Variants in MCM5 observed in about 807,000 individuals in gnomAD.
The protein encoded by MCM5 is DNA replication licensing factor MCM5.
A neutral mutation model predicts 79.9 loss-of-function variants in MCM5; 46 were observed. That is an observed-to-expected ratio of 0.58 (90% CI 0.45 to 0.74). The LOEUF is 0.74. Among genes scored for constraint, MCM5 ranks in the 30% least tolerant of loss-of-function variants. MCM5 has a pLI of 0.00. For missense variants in MCM5, 883 were observed against 1,017.0 expected, an observed-to-expected ratio of 0.87 and a Z score of 1.79; for synonymous variants, 404 against 390.5, an observed-to-expected ratio of 1.03 and a Z score of -0.41.
intron 16 of MCM5, 42 bp downstream of exon 16, chr22:35,423,383 G>A (rs1932743745): frequency 1.9e-6 from 3 of 1,551,942 alleles, no homozygotes; most frequent in Non-Finnish European, 1.8e-6. Context: ...GGCACGGGGT[G>A]CAGGTCTTCT....
At chr22:35,438,058 C>G in the MCM5 span, among the ~76,000 whole-genome samples, 4 of 152,230 alleles carry the variant, frequency 2.6e-5, no homozygotes, top group South Asian at 6.2e-4. Flanking sequence ...TAAAGATCTT[C>G]CAGGCAGAAG....
At chr22:35,438,546 T>C in the MCM5 span, among the ~76,000 whole-genome samples, 2,096 of 132,236 alleles carry the variant, frequency 0.016, 82 homozygotes, top group African/African-American at 0.058. Context: ...CATCCATCCA[T>C]CCACTCACAT....
chr22:35,400,266 G>A lies in MCM5; in HGVS notation c.-9+58G>A, dbSNP rs942026663. 11 of 684,310 alleles carry A rather than the reference G, an allele frequency of 1.6e-5. No individual in the cohort carries two copies. The African/African-American group carries it at 2.0e-4, about 12-fold the overall frequency. 42.4% of individuals were successfully genotyped at this position (684,310 alleles called of 1,614,324 possible). A position where few individuals can be genotyped will look rare whatever the true frequency, so the allele number is the denominator to read the frequency against. On this transcript the variant is annotated intron_variant, in intron 1 of 16. Transcript: ENST00000216122. ...AGCCAGCAGGCATCTGGATTTCCGG[G>A]TGTAGTTGGAGTGGGACAGGAGTTT...
intron 8 of MCM5, among the ~76,000 whole-genome samples, chr22:35,413,023 T>C (rs1932431452): frequency 6.6e-6 from 1 of 151,790 alleles, no homozygotes; most frequent in African/African-American, 2.4e-5. Context: ...CCATTTACTG[T>C]GTTCTTCCTA....
chr22:35,423,279 C>T lies in MCM5; in HGVS notation c.2041C>T (p.Arg681Cys), dbSNP rs372993447. 14 of 1,608,634 alleles carry T rather than the reference C, an allele frequency of 8.7e-6. No homozygotes were observed. The highest frequency in any genetic ancestry group is 3.4e-5 in the Admixed American group (2 of 59,578). The change falls in exon 16 of 17, where the codon CGC becomes TGC. Residue 681 changes from arginine to cysteine, a missense_variant. By Grantham distance (180) the Arg-to-Cys change is radical (BLOSUM62 -3). Transcript: ENST00000216122. ...MLSRIEKQLK[R>C]RFAIGSQVSE... is the part of the protein sequence containing the mutation. ...GAGCCGCATCGAGAAGCAGCTCAAG[C>T]GCCGCTTTGCCATTGGCTCCCAGGT...
chr22:35,421,431 T>G lies in MCM5; in HGVS notation c.1946T>G (p.Leu649Trp), dbSNP rs762910482. The G allele has an allele frequency of 1.2e-6, 2 of 1,614,196 alleles. No homozygotes were observed. The highest frequency in any genetic ancestry group is 1.7e-6 in the Non-Finnish European group (2 of 1,180,032). ...CTGCGGCTCTTCCAAGTGTCCACGT[T>G]GGATGCTGCCTTGTCCGGTACCCTG... is the stretch of plus-strand genomic sequence containing the variant. ...EALRLFQVST[L>W]DAALSGTLSG... The change falls in exon 15 of 17, where the codon TTG becomes TGG. Residue 649 changes from leucine (L) to tryptophan (W), a missense_variant. Leu to Trp is a moderately conservative substitution (Grantham distance 61, BLOSUM62 -2). Transcript: ENST00000216122.
the MCM5 span, among the ~76,000 whole-genome samples, chr22:35,453,540 T>TA: frequency 7.1e-6 from 1 of 140,828 alleles, no homozygotes; most frequent in African/African-American, 2.7e-5. Flanking sequence ...GGGGCAGAGA[T>TA]AGAGACAAGG....
the MCM5 span, among the ~76,000 whole-genome samples, chr22:35,439,037 A>G: frequency 2.7e-5 from 4 of 150,600 alleles, no homozygotes; most frequent in Non-Finnish European, 5.9e-5. Flanking sequence ...TCATCCATCC[A>G]TTCATCCGTC....
At chr22:35,446,708 G>A in the MCM5 span, among the ~76,000 whole-genome samples, 2 of 152,138 alleles carry the variant, frequency 1.3e-5, no homozygotes, top group Non-Finnish European at 2.9e-5. Context: ...AACTCTGCCC[G>A]CAGAATTTTC....
chr22:35,408,444 G>A lies in MCM5; in HGVS notation c.633G>A (p.Pro211=), dbSNP rs367908521. Residue 211 remains proline, a synonymous_variant, in exon 6 of 17, where the codon CCG becomes CCA. Transcript: ENST00000216122. ...GGCGCCCCAAATGCCCATTGGACCC[G>A]TACTTCATCATGCCCGACAAATGCA... ...QAGRPKCPLD[P]YFIMPDKCKC... 4.2e-5 allele frequency: 67 copies of A among 1,614,180 alleles called. No individual in the cohort carries two copies. In the Middle Eastern group the frequency reaches 9.9e-4, roughly 24 times the overall value.
chr22:35,412,694 G>A lies in MCM5; in HGVS notation c.1091+13G>A. 7.0e-7 allele frequency: 1 copy of A among 1,437,344 alleles called. No individual in the cohort carries two copies. The highest frequency in any genetic ancestry group is 9.2e-7 in the Non-Finnish European group (1 of 1,083,102). The allele number at this position is 1,437,344 out of a possible 1,614,324, so 89.0% of individuals were successfully genotyped here. On this transcript the variant is annotated intron_variant, in intron 8 of 16. Coordinates refer to ENST00000216122, the MANE Select transcript of MCM5 (RefSeq NM_006739.4). ...GCTCCCGAAAGAGGTAGGGGCTTGAGTTCCCTTGGGTTTGGGGAGGCGGCT... is the reference window on the plus strand; with the variant it reads ...GCTCCCGAAAGAGGTAGGGGCTTGAATTCCCTTGGGTTTGGGGAGGCGGCT...
the MCM5 span, among the ~76,000 whole-genome samples, chr22:35,454,243 A>C: frequency 6.6e-6 from 1 of 151,992 alleles, no homozygotes; most frequent in African/African-American, 2.4e-5. Context: ...CACGTTCTCT[A>C]AGGCTTCACG....
At position 35,403,507 on chromosome 22, in the gene MCM5, T is replaced by TC; in HGVS notation, c.389dup (p.Asp131GlyfsTer9). The TC allele has an allele frequency of 6.2e-7, 1 of 1,614,064 alleles. No individual in the cohort carries two copies. Among genetic ancestry groups the TC allele is most frequent in the Non-Finnish European group, 8.5e-7 (1 of 1,180,004 alleles). On this transcript the variant is annotated frameshift_variant, in exon 4 of 17. Coordinates refer to ENST00000216122, the MANE Select transcript of MCM5 (RefSeq NM_006739.4). LOFTEE classifies it high-confidence loss of function. Reference sequence around the variant, plus strand: ...CCAGGACATCCAGGTCATGCTCAAGTCGGACGCCAGCCCTTCCAGCATTCG... The same window carrying TC: ...CCAGGACATCCAGGTCATGCTCAAGTCCGGACGCCAGCCCTTCCAGCATTCG...
chr22:35,417,892 G>T (rs773940106), intron 13 of MCM5, 36 bp downstream of exon 13: 17 of 1,508,798 alleles, frequency 1.1e-5, no homozygotes, highest in Non-Finnish European at 1.6e-5. Flanking sequence ...GGGTGAGGTT[G>T]CCCAGCTTCC....
At chr22:35,430,745 C>G in the MCM5 span, among the ~76,000 whole-genome samples, 2 of 151,442 alleles carry the variant, frequency 1.3e-5, no homozygotes, top group African/African-American at 4.9e-5. Context: ...CTCCTGACCT[C>G]CTGATCCACC....
At position 35,413,899 on chromosome 22, in the gene MCM5, A is replaced by G; in HGVS notation, c.1116A>G (p.Arg372=). 1 of 1,613,428 alleles carries G rather than the reference A, an allele frequency of 6.2e-7. No homozygotes were observed. ...RKRLPDGLTR[R]GDINLLMLGD... ...GGCTCCCTGATGGACTTACTCGCCG[A>G]GGAGACATCAACCTGCTGATGCTAG... Residue 372 remains arginine, a synonymous_variant, in exon 9 of 17, where the codon CGA becomes CGG. Coordinates refer to ENST00000216122, the MANE Select transcript of MCM5 (RefSeq NM_006739.4).
chr22:35,413,167 C>T (rs991869097), intron 8 of MCM5, among the ~76,000 whole-genome samples: 3 of 151,958 alleles, frequency 2.0e-5, no homozygotes, highest in African/African-American at 4.8e-5. Context: ...CTCAGCCTCC[C>T]GAGTAGCTGG....
At chr22:35,439,376 C>T in the MCM5 span, among the ~76,000 whole-genome samples, 2 of 149,848 alleles carry the variant, frequency 1.3e-5, no homozygotes, top group East Asian at 2.0e-4. Flanking sequence ...CATATTCATC[C>T]ATCTATCCAT....
At chr22:35,454,527 CCCCACA>C in the MCM5 span, among the ~76,000 whole-genome samples, 1 of 152,126 alleles carries the variant, frequency 6.6e-6, no homozygotes, top group African/African-American at 2.4e-5. Context: ...AGACATGACA[CCCCACA>C]GCCTGCAGAA....
Sources: allele counts gnomAD v4.1 joint callset (sites outside exome capture counted in the v4.1 genomes callset), GRCh38; gene constraint gnomAD v4.1.1; transcripts MANE v1.5; gene names NCBI Gene and HGNC (gene_info 2026-07-23, HGNC 2026-07-21).